Variants in GPM6A observed in about 807,000 individuals in gnomAD.
GPM6A encodes the protein neuronal membrane glycoprotein M6-a.
GPM6A carries 7 observed loss-of-function variants against 32.1 expected under a neutral mutation model. The ratio of observed to expected loss-of-function variants is 0.22; its 90% CI spans 0.12 to 0.41. The LOEUF (loss-of-function observed/expected upper bound fraction) is 0.41. GPM6A is among the 10% of genes least tolerant of loss of function. The probability of loss-of-function intolerance (pLI) is 1.00; values close to 1 mark genes in which losing one functional copy is unlikely to be tolerated. For synonymous variants in GPM6A, 130 were observed against 123.4 expected (o/e 1.05, Z -0.35); for missense variants, 235 against 347.2 (o/e 0.68, Z 2.57).
intron 1 of GPM6A, among the ~76,000 whole-genome samples, chr4:175,946,473 A>G (rs2333324): frequency 0.51 from 77,004 of 152,050 alleles, 22,898 homozygotes; most frequent in Non-Finnish European, 0.64. Context: ...AGTAGAAAAT[A>G]AATTACACTA....
intron 1 of GPM6A, among the ~76,000 whole-genome samples, chr4:175,774,055 T>C (rs2111238302): frequency 6.6e-6 from 1 of 152,220 alleles, no homozygotes; most frequent in East Asian, 1.9e-4. Context: ...TTGAGATTCA[T>C]CAGGAAAATT....
At chr4:175,744,388 T>C (rs1021895220) in intron 1 of GPM6A, among the ~76,000 whole-genome samples, 1 of 152,100 alleles carries the variant, frequency 6.6e-6, no homozygotes, top group Middle Eastern at 3.4e-3. Flanking sequence ...TAGTCATAAA[T>C]GCATAAATTT....
At chr4:175,880,268 T>G (rs569983148) in intron 1 of GPM6A, among the ~76,000 whole-genome samples, 1 of 152,264 alleles carries the variant, frequency 6.6e-6, no homozygotes, top group African/African-American at 2.4e-5. Flanking sequence ...GTACCAGTAC[T>G]ATGCTGTTTT....
intron 4 of GPM6A, among the ~76,000 whole-genome samples, chr4:175,643,018 C>A (rs1047568580): frequency 6.6e-5 from 10 of 152,108 alleles, no homozygotes; most frequent in African/African-American, 2.2e-4. Context: ...TCCTTGAATT[C>A]TCTTTTTTCC....
chr4:175,714,374 T>A (rs1745720038), intron 1 of GPM6A, among the ~76,000 whole-genome samples: 1 of 152,190 alleles, frequency 6.6e-6, no homozygotes. Context: ...AAGACTTTTT[T>A]ATTTTTTTGT....
chr4:175,724,412 T>C (rs1050012136), intron 1 of GPM6A, among the ~76,000 whole-genome samples: 7 of 151,966 alleles, frequency 4.6e-5, no homozygotes, highest in Non-Finnish European at 4.4e-5. Flanking sequence ...GGCATGATGG[T>C]GGATGCCTGT....
chr4:175,819,396 T>A (rs146835498), intron 1 of GPM6A, among the ~76,000 whole-genome samples: 34 of 152,214 alleles, frequency 2.2e-4, no homozygotes, highest in Non-Finnish European at 3.7e-4. Context: ...AGTTTCCTGC[T>A]CTAACAGAGC....
intron 1 of GPM6A, among the ~76,000 whole-genome samples, chr4:175,896,349 C>A (rs1188558846): frequency 6.6e-6 from 1 of 152,116 alleles, no homozygotes; most frequent in Non-Finnish European, 1.5e-5. Flanking sequence ...AGGTACCTAG[C>A]ATCCTGCCTC....
chr4:175,949,179 TAAG>T lies in GPM6A; in HGVS notation c.-23+53127_-23+53129del. Among the ~76,000 whole-genome samples the T allele has an allele frequency of 2.0e-5, 3 of 152,352 alleles. No homozygotes were observed. In the East Asian group the frequency reaches 5.8e-4, roughly 29 times the overall value. ...AAGGAGTTATCCATGGGTAGTGTGA[TAAG>T]AAGTAATTTTAATGTTCTTTTTATG... On this transcript the variant is annotated intron_variant, in intron 1 of 7. Transcript: ENST00000280187.
intron 2 of GPM6A, among the ~76,000 whole-genome samples, chr4:175,680,309 T>C (rs1404694990): frequency 2.0e-5 from 3 of 152,204 alleles, no homozygotes; most frequent in Non-Finnish European, 1.5e-5. Flanking sequence ...TCTTCCATAA[T>C]GAGAATACTG....
At chr4:175,831,711 A>ATC (rs1354215271) in intron 1 of GPM6A, among the ~76,000 whole-genome samples, 2 of 66,862 alleles carry the variant, frequency 3.0e-5, no homozygotes, top group African/African-American at 1.0e-4. Context: ...CCATTTAGCC[A>ATC]TCTCTTTTTT....
At chr4:175,680,467 C>G (rs116152271) in intron 2 of GPM6A, among the ~76,000 whole-genome samples, 1,805 of 152,164 alleles carry the variant, frequency 0.012, 45 homozygotes, top group African/African-American at 0.041. Flanking sequence ...ACACCTTGCC[C>G]AAGACTGAGA....
At chr4:175,801,577 T>C (rs560280755) in intron 1 of GPM6A, among the ~76,000 whole-genome samples, 8 of 152,216 alleles carry the variant, frequency 5.3e-5, no homozygotes, top group African/African-American at 1.9e-4. Flanking sequence ...TTGTTAGAGA[T>C]GGAATGAAAT....
chr4:175,887,965 C>T (rs970017377), intron 1 of GPM6A, among the ~76,000 whole-genome samples: 1 of 151,798 alleles, frequency 6.6e-6, no homozygotes, highest in Admixed American at 6.6e-5. Flanking sequence ...AGAAGGAGCA[C>T]ATTTTGCAAC....
At chr4:175,709,538 G>C (rs917329984) in intron 1 of GPM6A, among the ~76,000 whole-genome samples, 1 of 151,852 alleles carries the variant, frequency 6.6e-6, no homozygotes, top group Non-Finnish European at 1.5e-5. Context: ...GACCAGCCTG[G>C]CCAACATGGT....
At chr4:175,699,419 G>C (rs1408042981) in intron 2 of GPM6A, among the ~76,000 whole-genome samples, 1 of 152,070 alleles carries the variant, frequency 6.6e-6, no homozygotes, top group East Asian at 1.9e-4. Context: ...ATGCTTAAAG[G>C]ATTCAATTTA....
intron 1 of GPM6A, among the ~76,000 whole-genome samples, chr4:175,760,699 T>A (rs1732704763): frequency 6.6e-6 from 1 of 151,904 alleles, no homozygotes; most frequent in African/African-American, 2.4e-5. Context: ...TAGAGCTCCC[T>A]GAGTAGTGAA....
At chr4:175,841,987 T>G (rs1485987677) in intron 1 of GPM6A, among the ~76,000 whole-genome samples, 1 of 152,176 alleles carries the variant, frequency 6.6e-6, no homozygotes, top group Non-Finnish European at 1.5e-5. Context: ...AATATACATG[T>G]AGCCAAAATA....
chr4:175,656,025 A>T (rs891919608), intron 3 of GPM6A, among the ~76,000 whole-genome samples: 1 of 152,074 alleles, frequency 6.6e-6, no homozygotes, highest in African/African-American at 2.4e-5. Flanking sequence ...ACAGACACTG[A>T]ATTTTAATTT....
Sources: allele counts gnomAD v4.1 joint callset (sites outside exome capture counted in the v4.1 genomes callset), GRCh38; gene constraint gnomAD v4.1.1; transcripts MANE v1.5; gene names NCBI Gene and HGNC (gene_info 2026-07-23, HGNC 2026-07-21).